TRPM3: variants seen among roughly 807,000 people sequenced by gnomAD.
The protein encoded by TRPM3 is long transient receptor potential channel 3.
A neutral mutation model predicts 181.2 loss-of-function variants in TRPM3; 77 were observed. The ratio of observed to expected loss-of-function variants is 0.42; its 90% CI spans 0.35 to 0.51. The LOEUF (loss-of-function observed/expected upper bound fraction) is 0.51. TRPM3 is among the 20% of genes least tolerant of loss of function. TRPM3 has a pLI of 0.01. For synonymous variants in TRPM3, 745 were observed against 796.4 expected (o/e 0.94, Z 1.09); for missense variants, 1,759 against 2,196.7 (o/e 0.80, Z 3.98).
intron 1 of TRPM3, among the ~76,000 whole-genome samples, chr9:71,077,971 T>C (rs1189186125): frequency 6.6e-6 from 1 of 151,624 alleles, no homozygotes; most frequent in Non-Finnish European, 1.5e-5. Flanking sequence ...CACAAGCTTC[T>C]TGGTGTACAG....
At chr9:70,886,397 A>G (rs1023637316) in intron 1 of TRPM3, among the ~76,000 whole-genome samples, 15 of 152,304 alleles carry the variant, frequency 9.8e-5, no homozygotes, top group African/African-American at 2.2e-4. Context: ...AAATAGCAGT[A>G]ATTTAAAGTA....
intron 1 of TRPM3, among the ~76,000 whole-genome samples, chr9:71,218,655 A>G (rs944848880): frequency 2.0e-5 from 3 of 152,214 alleles, no homozygotes; most frequent in Admixed American, 2.0e-4. Context: ...CAACACACAT[A>G]ACACATTTAT....
At chr9:71,007,861 CAAGG>C (rs889987960) in intron 1 of TRPM3, among the ~76,000 whole-genome samples, 20 of 151,732 alleles carry the variant, frequency 1.3e-4, no homozygotes, top group African/African-American at 4.6e-4. Flanking sequence ...TGTTATGCCT[CAAGG>C]AAGTAGAAAT....
chr9:71,229,553 A>ACTACC (rs932330975), intron 1 of TRPM3, among the ~76,000 whole-genome samples: 5 of 152,200 alleles, frequency 3.3e-5, no homozygotes, highest in African/African-American at 1.2e-4. Flanking sequence ...ATATTTGCAA[A>ACTACC]CTACCCACCT....
chr9:70,588,897 C>T (rs1301645850), intron 22 of TRPM3, among the ~76,000 whole-genome samples: 1 of 152,160 alleles, frequency 6.6e-6, no homozygotes, highest in East Asian at 1.9e-4. Flanking sequence ...TTGGGGGCAG[C>T]CTTCTATATC....
intron 12 of TRPM3, among the ~76,000 whole-genome samples, chr9:70,631,693 C>T (rs982943173): frequency 3.9e-5 from 6 of 152,190 alleles, no homozygotes; most frequent in African/African-American, 1.4e-4. Flanking sequence ...GTTCAGGGAA[C>T]TGGGTTGGTT....
At chr9:71,157,602 G>T (rs2076071491) in intron 1 of TRPM3, among the ~76,000 whole-genome samples, 1 of 152,122 alleles carries the variant, frequency 6.6e-6, no homozygotes, top group African/African-American at 2.4e-5. Flanking sequence ...AAGCCGTTCT[G>T]AGTTTCTATT....
intron 1 of TRPM3, among the ~76,000 whole-genome samples, chr9:70,956,929 A>C (rs1044986783): frequency 7.9e-5 from 12 of 151,166 alleles, no homozygotes; most frequent in Non-Finnish European, 1.5e-4. Context: ...ACATTTAAAA[A>C]AAATTTTAAT....
At chr9:71,379,034 T>C (rs1205235169) in intron 1 of TRPM3, among the ~76,000 whole-genome samples, 1 of 152,032 alleles carries the variant, frequency 6.6e-6, no homozygotes, top group African/African-American at 2.4e-5. Context: ...ACCAGTATTG[T>C]CTCCATTTTA....
intron 1 of TRPM3, among the ~76,000 whole-genome samples, chr9:71,236,454 T>G (rs999201117): frequency 2.0e-5 from 3 of 152,074 alleles, no homozygotes; most frequent in African/African-American, 7.2e-5. Context: ...TAAAAAGTAG[T>G]AGCAGGAAAA....
chr9:71,152,388 T>C (rs1239928918), intron 1 of TRPM3, among the ~76,000 whole-genome samples: 1 of 152,148 alleles, frequency 6.6e-6, no homozygotes, highest in Non-Finnish European at 1.5e-5. Flanking sequence ...AATATACCTA[T>C]ATGACTAAAT....
intron 7 of TRPM3, among the ~76,000 whole-genome samples, chr9:70,777,030 T>C (rs1361499471): frequency 2.0e-5 from 3 of 151,908 alleles, no homozygotes; most frequent in African/African-American, 7.3e-5. Context: ...TATTTGGATT[T>C]TTGTTGTTGT....
At chr9:71,112,514 T>C (rs2071346750) in intron 1 of TRPM3, among the ~76,000 whole-genome samples, 1 of 152,108 alleles carries the variant, frequency 6.6e-6, no homozygotes, top group Non-Finnish European at 1.5e-5. Flanking sequence ...CACAAAAAAA[T>C]TACCAAGACC....
At chr9:70,755,015 C>A (rs1396941215) in intron 8 of TRPM3, among the ~76,000 whole-genome samples, 1 of 152,096 alleles carries the variant, frequency 6.6e-6, no homozygotes, top group Admixed American at 6.5e-5. Flanking sequence ...CTGGTACCGT[C>A]CATGTACATA....
chr9:70,958,673 C>A (rs956154391), intron 1 of TRPM3, among the ~76,000 whole-genome samples: 3 of 152,044 alleles, frequency 2.0e-5, no homozygotes, highest in African/African-American at 7.2e-5. Context: ...ACCCAAAGGA[C>A]TATAAATCAC....
In TRPM3 at chr9:70,907,966, C is replaced by T. The variant is rs571013853; in HGVS notation, c.178-43455G>A. Among the ~76,000 whole-genome samples, 7 of 152,186 alleles carry T rather than the reference C, an allele frequency of 4.6e-5. No homozygotes were observed. In the South Asian group the frequency reaches 1.5e-3, roughly 32 times the overall value. ...TATCCAATCCACAACTGATGGGTAC[C>T]TGGTTTGATTCCATGTCTTTGCTAT... On this transcript the variant is annotated intron_variant, in intron 1 of 25. Transcript: ENST00000677713.
chr9:71,377,782 C>T (rs2092701569), intron 1 of TRPM3, among the ~76,000 whole-genome samples: 1 of 151,892 alleles, frequency 6.6e-6, no homozygotes, highest in Non-Finnish European at 1.5e-5. Flanking sequence ...AGGACATTAG[C>T]TTCCCATAGA....
chr9:71,323,298 G>T (rs111961889), intron 1 of TRPM3, among the ~76,000 whole-genome samples: 43 of 152,116 alleles, frequency 2.8e-4, no homozygotes, highest in African/African-American at 1.0e-3. Flanking sequence ...GCTGCCAAAT[G>T]CTTCAACTTA....
intron 1 of TRPM3, among the ~76,000 whole-genome samples, chr9:71,187,149 A>G (rs1587845082): frequency 6.6e-6 from 1 of 152,056 alleles, no homozygotes; most frequent in South Asian, 2.1e-4. Flanking sequence ...TCTTTTTAAC[A>G]GTACTCAATT....
Sources: gnomAD v4.1 joint callset for allele counts (sites outside exome capture counted in the v4.1 genomes callset) on GRCh38, gnomAD v4.1.1 for gene constraint, MANE v1.5 for transcripts, NCBI Gene and HGNC (gene_info 2026-07-23, HGNC 2026-07-21) for gene names.